BNC2: variants seen among roughly 807,000 people sequenced by gnomAD.
The protein encoded by BNC2 is zinc finger protein basonuclin-2.
BNC2 carries 20 observed loss-of-function variants against 76.3 expected under a neutral mutation model. The ratio of observed to expected loss-of-function variants is 0.26; its 90% CI spans 0.18 to 0.38. BNC2 has a LOEUF of 0.38. BNC2 is among the 10% of genes least tolerant of loss of function. BNC2 has a pLI of 1.00. For missense variants in BNC2, 1,382 were observed against 1,399.8 expected, an observed-to-expected ratio of 0.99 and a Z score of 0.20; for synonymous variants, 582 against 514.8, an observed-to-expected ratio of 1.13 and a Z score of -1.77.
At chr9:16,801,899 A>G (rs1817792992) in intron 1 of BNC2, among the ~76,000 whole-genome samples, 1 of 152,110 alleles carries the variant, frequency 6.6e-6, no homozygotes, top group Non-Finnish European at 1.5e-5. Flanking sequence ...TCAAGTCTGA[A>G]GTTATCATTA....
intron 5 of BNC2, among the ~76,000 whole-genome samples, chr9:16,465,320 C>T (rs1408752573): frequency 6.7e-6 from 1 of 149,294 alleles, no homozygotes; most frequent in Non-Finnish European, 1.5e-5. Flanking sequence ...CCTGTAGTCC[C>T]AGCTACTATG....
intron 1 of BNC2, among the ~76,000 whole-genome samples, chr9:16,827,309 T>A (rs1324331486): frequency 2.0e-5 from 3 of 152,214 alleles, no homozygotes. Context: ...TGAATTAAAT[T>A]CACATGTAAT....
chr9:16,744,543 T>G (rs1824945403), intron 1 of BNC2, among the ~76,000 whole-genome samples: 1 of 152,202 alleles, frequency 6.6e-6, no homozygotes, highest in Non-Finnish European at 1.5e-5. Flanking sequence ...CTCAAGTACT[T>G]ATCTCTGTCT....
intron 1 of BNC2, among the ~76,000 whole-genome samples, chr9:16,772,610 A>ATT (rs1025716108): frequency 6.6e-6 from 1 of 151,384 alleles, no homozygotes; most frequent in East Asian, 1.9e-4. Flanking sequence ...AACTGTACTA[A>ATT]TTTTTTTTTG....
chr9:16,660,158 A>G (rs770591876), intron 3 of BNC2, among the ~76,000 whole-genome samples: 1 of 152,132 alleles, frequency 6.6e-6, no homozygotes, highest in Non-Finnish European at 1.5e-5. Context: ...CCCCTTGAAA[A>G]TTACACATCT....
chr9:16,663,128 C>CTTTTTTTTTTTT lies in BNC2; in HGVS notation c.330+64668_330+64669insAAAAAAAAAAAA, dbSNP rs1220327938. On this transcript the variant is annotated intron_variant, in intron 3 of 6. Transcript: ENST00000380672. Reference sequence around the variant, plus strand: ...ATCCATAGGCACTCCACTCTGTTTACTCTTTTTTTTTTTTTTTTGGAGACG... The same window carrying CTTTTTTTTTTTT: ...ATCCATAGGCACTCCACTCTGTTTACTTTTTTTTTTTTTCTTTTTTTTTTTTTTTTGGAGACG... 3.1e-3 allele frequency among the ~76,000 whole-genome samples: 158 copies of CTTTTTTTTTTTT among 51,664 alleles called. 2 individuals carry two copies. The highest frequency in any genetic ancestry group is 0.01 in the African/African-American group (147 of 14,582). The allele number at this position is 51,664 out of a possible 152,430, so 33.9% of individuals were successfully genotyped here.
At chr9:16,463,608 A>C (rs768745264) in intron 5 of BNC2, among the ~76,000 whole-genome samples, 3 of 152,030 alleles carry the variant, frequency 2.0e-5, no homozygotes, top group Non-Finnish European at 4.4e-5. Context: ...ATTCTTGACT[A>C]ATCTATCCAA....
chr9:16,462,158 A>G (rs2131251665), intron 5 of BNC2, among the ~76,000 whole-genome samples: 1 of 152,280 alleles, frequency 6.6e-6, no homozygotes, highest in East Asian at 1.9e-4. Flanking sequence ...TCTCTGAGCT[A>G]ACCCAGGATT....
At chr9:16,537,802 C>T (rs573497655) in intron 5 of BNC2, among the ~76,000 whole-genome samples, 1 of 152,304 alleles carries the variant, frequency 6.6e-6, no homozygotes, top group East Asian at 1.9e-4. Flanking sequence ...AACTTATGCT[C>T]AGGATGCTGT....
chr9:16,634,657 A>G lies in BNC2; in HGVS notation c.331-51572T>C, dbSNP rs562659092. Among the ~76,000 whole-genome samples, 3 of 152,102 alleles carry G rather than the reference A, an allele frequency of 2.0e-5. No homozygotes were observed. In the South Asian group the frequency reaches 6.2e-4, roughly 32 times the overall value. ...GCTGGGGCTACAGGCACCTGCCACC[A>G]CACCTGGCTAATTTTTTGTATTTTT... On this transcript the variant is annotated intron_variant, in intron 3 of 6. Transcript: ENST00000380672.
At chr9:16,756,111 G>T (rs1825378309) in intron 1 of BNC2, among the ~76,000 whole-genome samples, 1 of 152,190 alleles carries the variant, frequency 6.6e-6, no homozygotes, top group Non-Finnish European at 1.5e-5. Flanking sequence ...TCAAAGGGAT[G>T]AGAAGTTATT....
intron 1 of BNC2, among the ~76,000 whole-genome samples, chr9:16,823,427 CAAA>C (rs34451487): frequency 8.8e-6 from 1 of 113,110 alleles, no homozygotes. Flanking sequence ...CCTGTCTCTA[CAAA>C]AAAAAAAAAA....
At chr9:16,580,370 T>C (rs1819600202) in intron 4 of BNC2, among the ~76,000 whole-genome samples, 1 of 152,082 alleles carries the variant, frequency 6.6e-6, no homozygotes, top group Admixed American at 6.5e-5. Context: ...AAGGTGATAA[T>C]TGTAAAGGAA....
chr9:16,505,801 GTAA>G (rs1822611328), intron 5 of BNC2, among the ~76,000 whole-genome samples: 1 of 152,000 alleles, frequency 6.6e-6, no homozygotes, highest in Admixed American at 6.6e-5. Context: ...GTTAGCATTC[GTAA>G]TAATATTAAC....
chr9:16,506,519 T>G (rs1440248310), intron 5 of BNC2, among the ~76,000 whole-genome samples: 21 of 83,142 alleles, frequency 2.5e-4, no homozygotes, highest in Admixed American at 8.6e-4. Context: ...TCCTCTTTTT[T>G]TTTTTTTTTT....
chr9:16,809,894 T>C (rs1818003517), intron 1 of BNC2, among the ~76,000 whole-genome samples: 1 of 152,206 alleles, frequency 6.6e-6, no homozygotes, highest in African/African-American at 2.4e-5. Flanking sequence ...AATAAGAATG[T>C]ATTATTTAAA....
chr9:16,855,362 T>C (rs536768470), intron 1 of BNC2, among the ~76,000 whole-genome samples: 1 of 152,184 alleles, frequency 6.6e-6, no homozygotes, highest in South Asian at 2.1e-4. Context: ...TCATCTGTAA[T>C]ACCTATGGCA....
intron 5 of BNC2, among the ~76,000 whole-genome samples, chr9:16,465,517 A>G (rs1429800534): frequency 2.0e-5 from 3 of 151,934 alleles, no homozygotes; most frequent in Admixed American, 6.6e-5. Flanking sequence ...CCAACATGCC[A>G]TTACTGATTA....
intron 3 of BNC2, chr9:16,727,058 G>A (rs1166366526): frequency 1.3e-5 from 2 of 152,238 alleles, no homozygotes; most frequent in African/African-American, 2.4e-5. Flanking sequence ...CCTCCAGCGC[G>A]GCCGGGACGG....
Sources: allele counts gnomAD v4.1 joint callset (sites outside exome capture counted in the v4.1 genomes callset), GRCh38; gene constraint gnomAD v4.1.1; transcripts MANE v1.5; gene names NCBI Gene and HGNC (gene_info 2026-07-23, HGNC 2026-07-21).